The following ELAVL2 variants were observed in gnomAD, a reference collection of about 807,000 sequenced individuals.
The protein encoded by ELAVL2 is ELAV-like protein 2.
Under a neutral mutation model 34.6 loss-of-function variants are expected in ELAVL2, and 4 were observed. The observed-to-expected ratio is 0.12, with a 90% confidence interval of 0.06 to 0.26. The LOEUF is 0.26. Among genes scored for constraint, ELAVL2 ranks in the 10% least tolerant of loss-of-function variants. ELAVL2 has a pLI of 1.00. For missense variants in ELAVL2, 432 were observed against 442.8 expected (o/e 0.98, Z 0.22); for synonymous variants, 193 against 154.8 (o/e 1.25, Z -1.83).
At chr9:23,765,181 T>C (rs1813605479) in intron 1 of ELAVL2, 1 of 1,295,748 alleles carries the variant, frequency 7.7e-7, no homozygotes, top group Middle Eastern at 1.9e-4. Flanking sequence ...TTTACAGTGA[T>C]TGTATTGATA....
the ELAVL2 span, among the ~76,000 whole-genome samples, chr9:23,844,582 A>C: frequency 6.6e-6 from 1 of 152,002 alleles, no homozygotes; most frequent in African/African-American, 2.4e-5. Flanking sequence ...AATATTTATA[A>C]TGTTAATCAG....
At chr9:23,723,266 T>C (rs893133963) in intron 3 of ELAVL2, among the ~76,000 whole-genome samples, 2 of 152,100 alleles carry the variant, frequency 1.3e-5, no homozygotes, top group African/African-American at 4.8e-5. Context: ...TTCATGTCCT[T>C]TGTAGGGACA....
At chr9:23,823,978 G>GA (rs576354057) in intron 1 of ELAVL2, among the ~76,000 whole-genome samples, 114 of 152,306 alleles carry the variant, frequency 7.5e-4, no homozygotes, top group African/African-American at 2.7e-3. Flanking sequence ...TGAAGGTTTA[G>GA]AATCTTAACC....
At chr9:23,719,304 C>T (rs1022494899) in intron 3 of ELAVL2, among the ~76,000 whole-genome samples, 2 of 152,164 alleles carry the variant, frequency 1.3e-5, no homozygotes, top group South Asian at 4.1e-4. Flanking sequence ...TCCCCTTTGC[C>T]ACTTGGCAGA....
At chr9:23,774,308 A>T (rs1240227822) in intron 1 of ELAVL2, among the ~76,000 whole-genome samples, 1 of 150,964 alleles carries the variant, frequency 6.6e-6, no homozygotes, top group Non-Finnish European at 1.5e-5. Context: ...TCTTCCCCCC[A>T]CATCTAAATG....
In ELAVL2 at chr9:23,710,440, A is replaced by G. The variant is rs1303832117; in HGVS notation, c.334-5369T>C. Among the ~76,000 whole-genome samples, 5 of 152,234 alleles carry G rather than the reference A, an allele frequency of 3.3e-5. No homozygotes were observed. The East Asian group carries it at 9.6e-4, about 29-fold the overall frequency. On this transcript the variant is annotated intron_variant, in intron 3 of 6. Coordinates refer to ENST00000397312, the MANE Select transcript of ELAVL2 (RefSeq NM_004432.5). ...TCTCGTTTCTCTGATTCATCAATGG[A>G]AAGATCAGTGACAGTGGACATTAAT...
chr9:23,720,603 G>T (rs1587683121), intron 3 of ELAVL2, among the ~76,000 whole-genome samples: 1 of 152,150 alleles, frequency 6.6e-6, no homozygotes, highest in Non-Finnish European at 1.5e-5. Flanking sequence ...CTGAAAATGA[G>T]CAAATTGTGT....
chr9:23,712,253 T>C (rs927345369), intron 3 of ELAVL2, among the ~76,000 whole-genome samples: 13 of 152,074 alleles, frequency 8.5e-5, no homozygotes, highest in Non-Finnish European at 1.5e-4. Flanking sequence ...TAGCTCTTCA[T>C]CACGGGATTT....
Position 23,708,955 on chromosome 9 carries a change from A to G in ELAVL2, c.334-3884T>C, listed in dbSNP as rs1423056590. ...GCCCGGCTCCATTAATATTTTTAAGAGTAATTTTTTCTAAGAAAAGAGAAG... is the reference window on the plus strand; with the variant it reads ...GCCCGGCTCCATTAATATTTTTAAGGGTAATTTTTTCTAAGAAAAGAGAAG... On this transcript the variant is annotated intron_variant, in intron 3 of 6. Coordinates refer to ENST00000397312, the MANE Select transcript of ELAVL2 (RefSeq NM_004432.5). 3.3e-5 allele frequency among the ~76,000 whole-genome samples: 5 copies of G among 152,186 alleles called. No homozygotes were observed. In the South Asian group the frequency reaches 8.3e-4, roughly 25 times the overall value.
At chr9:23,839,650 C>A in the ELAVL2 span, among the ~76,000 whole-genome samples, 8 of 152,078 alleles carry the variant, frequency 5.3e-5, no homozygotes, top group African/African-American at 1.9e-4. Context: ...TTATAAGAAA[C>A]TGACCTGAAA....
chr9:23,837,492 T>A, the ELAVL2 span, among the ~76,000 whole-genome samples: 2 of 152,202 alleles, frequency 1.3e-5, no homozygotes, highest in Non-Finnish European at 2.9e-5. Context: ...TCTACATGCA[T>A]TAAATCAGTT....
At chr9:23,764,426 G>A (rs545612555) in intron 1 of ELAVL2, among the ~76,000 whole-genome samples, 2 of 152,232 alleles carry the variant, frequency 1.3e-5, no homozygotes, top group South Asian at 2.1e-4. Context: ...GGCTGTGTGC[G>A]CTGAAAATTA....
chr9:23,729,067 G>A (rs1021013568), intron 3 of ELAVL2, among the ~76,000 whole-genome samples: 1 of 152,182 alleles, frequency 6.6e-6, no homozygotes, highest in African/African-American at 2.4e-5. Flanking sequence ...GAACAGTAAG[G>A]AAGCAGCTGT....
chr9:23,766,778 A>G (rs1214232027), intron 1 of ELAVL2, among the ~76,000 whole-genome samples: 1 of 152,120 alleles, frequency 6.6e-6, no homozygotes, highest in Non-Finnish European at 1.5e-5. Context: ...TTCAGTTACT[A>G]AAAATGTAAA....
At chr9:23,797,531 TAGATAATGACAGAA>T (rs2061082017) in intron 1 of ELAVL2, among the ~76,000 whole-genome samples, 2 of 152,154 alleles carry the variant, frequency 1.3e-5, no homozygotes. Context: ...GCATGGGTGG[TAGATAATGACAGAA>T]ATAATTAAAG....
intron 1 of ELAVL2, among the ~76,000 whole-genome samples, chr9:23,790,847 C>T (rs1018319587): frequency 6.6e-6 from 1 of 152,188 alleles, no homozygotes; most frequent in Non-Finnish European, 1.5e-5. Flanking sequence ...AACCTCACAT[C>T]TCTTAGTATT....
chr9:23,812,469 A>G (rs1046170575), intron 1 of ELAVL2, among the ~76,000 whole-genome samples: 4 of 152,058 alleles, frequency 2.6e-5, no homozygotes, highest in Non-Finnish European at 5.9e-5. Context: ...GGGATAAAAC[A>G]TGCTTGTTTT....
intron 1 of ELAVL2, among the ~76,000 whole-genome samples, chr9:23,787,814 G>T (rs2059879003): frequency 6.6e-6 from 1 of 152,152 alleles, no homozygotes. Flanking sequence ...AAAGACTTTT[G>T]TAAGACAAGT....
In ELAVL2 at chr9:23,734,173, A is replaced by G. The variant is rs144589572; in HGVS notation, c.230-3048T>C. On this transcript the variant is annotated intron_variant, in intron 2 of 6. Coordinates refer to ENST00000397312, the MANE Select transcript of ELAVL2 (RefSeq NM_004432.5). ...ATTAAAATGTTGGCACTATAACAAA[A>G]GGGAGTTAGAACTTTAAATTACTTT... Among the ~76,000 whole-genome samples the G allele has an allele frequency of 4.9e-4, 74 of 152,328 alleles. No individual in the cohort carries two copies. In the East Asian group the frequency reaches 0.014, roughly 28 times the overall value.
Sources: gnomAD v4.1 joint callset for allele counts (sites outside exome capture counted in the v4.1 genomes callset) on GRCh38, gnomAD v4.1.1 for gene constraint, MANE v1.5 for transcripts, NCBI Gene and HGNC (gene_info 2026-07-23, HGNC 2026-07-21) for gene names.